The following CYP19A1 variants were observed in gnomAD, a reference collection of about 807,000 sequenced individuals.
CYP19A1 encodes aromatase.
A neutral mutation model predicts 44.4 loss-of-function variants in CYP19A1; 32 were observed. That is an observed-to-expected ratio of 0.72 (90% CI 0.54 to 0.97). The LOEUF is 0.97. Ranked by LOEUF, CYP19A1 falls within the 50% of genes least tolerant of loss-of-function variation. The pLI is 0.00. For synonymous variants in CYP19A1, 212 were observed against 215.6 expected, an observed-to-expected ratio of 0.98 and a Z score of 0.14; for missense variants, 598 against 637.8, an observed-to-expected ratio of 0.94 and a Z score of 0.67.
chr15:51,228,077 A>G (rs2032742360), intron 3 of CYP19A1, 144 bp from the exon 4 acceptor site: 1 of 706,342 alleles, frequency 1.4e-6, no homozygotes, highest in African/African-American at 1.7e-5. Flanking sequence ...GGGTTGAATA[A>G]GCACTTCTGT....
intron 9 of CYP19A1, chr15:51,211,645 A>G (rs761304720): frequency 2.3e-6 from 1 of 440,364 alleles, no homozygotes; most frequent in South Asian, 1.6e-5. Context: ...AAAATGAATT[A>G]GAGTACTGAA....
At chr15:51,239,112 C>T (rs1267939022) in intron 2 of CYP19A1, among the ~76,000 whole-genome samples, 1 of 152,174 alleles carries the variant, frequency 6.6e-6, no homozygotes, top group Admixed American at 6.5e-5. Context: ...GTTGTAGCCA[C>T]ATTAAGCTGA....
intron 9 of CYP19A1, chr15:51,211,700 G>A (rs28757201): frequency 0.41 from 177,093 of 428,212 alleles, 39,897 homozygotes; most frequent in East Asian, 0.5. Context: ...TTGAAAAAAG[G>A]GCACTTAGGG....
intron 1 of CYP19A1, among the ~76,000 whole-genome samples, chr15:51,295,393 G>T (rs2035973462): frequency 6.6e-6 from 1 of 152,006 alleles, no homozygotes; most frequent in Non-Finnish European, 1.5e-5. Flanking sequence ...CCATTCCTAG[G>T]CCCAGCCTGT....
chr15:51,220,676 C>T (rs1207359793), intron 5 of CYP19A1, among the ~76,000 whole-genome samples: 1 of 152,146 alleles, frequency 6.6e-6, no homozygotes, highest in Non-Finnish European at 1.5e-5. Flanking sequence ...TGTGTAATAA[C>T]CAAATCAGGG....
At chr15:51,318,200 CT>C (rs2036463438) in intron 1 of CYP19A1, among the ~76,000 whole-genome samples, 1 of 146,294 alleles carries the variant, frequency 6.8e-6, no homozygotes, top group Non-Finnish European at 1.5e-5. Flanking sequence ...ATTTACTGCC[CT>C]CAACAGTCTA....
intron 1 of CYP19A1, among the ~76,000 whole-genome samples, chr15:51,262,695 T>C (rs1200082462): frequency 6.6e-6 from 1 of 152,206 alleles, no homozygotes. Context: ...TGACTTCCTG[T>C]TCTGCAATAA....
chr15:51,252,159 T>C (rs1008548630), intron 1 of CYP19A1, among the ~76,000 whole-genome samples: 15 of 152,318 alleles, frequency 9.8e-5, no homozygotes, highest in African/African-American at 3.6e-4. Flanking sequence ...TGGCCCACTT[T>C]GGCCAACTTC....
At chr15:51,284,563 A>G (rs547882662) in intron 1 of CYP19A1, among the ~76,000 whole-genome samples, 139 of 152,360 alleles carry the variant, frequency 9.1e-4, no homozygotes, top group African/African-American at 3.2e-3. Context: ...CAATATAGTA[A>G]TAATAGTAGA....
intron 3 of CYP19A1, among the ~76,000 whole-genome samples, chr15:51,229,987 C>A (rs1398334138): frequency 6.6e-6 from 1 of 152,194 alleles, no homozygotes; most frequent in Non-Finnish European, 1.5e-5. Flanking sequence ...AAAGAGCCAA[C>A]CTTTAAAATT....
intron 1 of CYP19A1, among the ~76,000 whole-genome samples, chr15:51,283,494 C>T (rs115394540): frequency 0.037 from 5,622 of 152,256 alleles, 341 homozygotes; most frequent in African/African-American, 0.13. Flanking sequence ...ACTCTGAATA[C>T]GTTAAGGCTT....
rs967862869 is a variant in CYP19A1, at chr15:51,334,146, C to G, written c.-39+4349G>C. 3.2e-4 allele frequency among the ~76,000 whole-genome samples: 49 copies of G among 152,226 alleles called. 1 individual carries two copies. The highest frequency in any genetic ancestry group is 3.0e-3 in the Admixed American group (46 of 15,276). Reference sequence around the variant, plus strand: ...AAGTGCCAGTCTGAGCTGTTTTCCACTCCATCACTTTGAATCATTTCCCTG... The same window carrying G: ...AAGTGCCAGTCTGAGCTGTTTTCCAGTCCATCACTTTGAATCATTTCCCTG... On this transcript the variant is annotated intron_variant, in intron 1 of 9. Transcript: ENST00000396402.
intron 1 of CYP19A1, among the ~76,000 whole-genome samples, chr15:51,330,713 G>C (rs2036687316): frequency 6.6e-6 from 1 of 152,150 alleles, no homozygotes; most frequent in Non-Finnish European, 1.5e-5. Context: ...AACAGTTCAA[G>C]GAGGCTGAGA....
chr15:51,270,576 A>G (rs1233163299), intron 1 of CYP19A1, among the ~76,000 whole-genome samples: 1 of 152,192 alleles, frequency 6.6e-6, no homozygotes, highest in African/African-American at 2.4e-5. Context: ...CCTCCCCCAT[A>G]TTTTATAGGC....
chr15:51,249,100 C>T (rs571304837), intron 1 of CYP19A1, among the ~76,000 whole-genome samples: 15 of 152,072 alleles, frequency 9.9e-5, no homozygotes, highest in African/African-American at 3.4e-4. Flanking sequence ...CTACCACGCC[C>T]GTCCAATTTT....
At chr15:51,258,799 TTAGAGAAGA>T (rs2034608843) in intron 1 of CYP19A1, among the ~76,000 whole-genome samples, 2 of 152,254 alleles carry the variant, frequency 1.3e-5, no homozygotes, top group Admixed American at 6.5e-5. Context: ...AAGGAGTCTT[TTAGAGAAGA>T]CTTTTCTTTT....
At chr15:51,304,508 ATGTCAAG>A (rs1412178051) in intron 1 of CYP19A1, among the ~76,000 whole-genome samples, 1 of 152,208 alleles carries the variant, frequency 6.6e-6, no homozygotes, top group African/African-American at 2.4e-5. Context: ...GCCCACTCCC[ATGTCAAG>A]TTAACCATGG....
intron 1 of CYP19A1, among the ~76,000 whole-genome samples, chr15:51,290,624 C>A (rs1220819870): frequency 2.6e-5 from 4 of 151,914 alleles, no homozygotes; most frequent in African/African-American, 9.7e-5. Flanking sequence ...TGTGTCAAAT[C>A]AATTAAGCAA....
chr15:51,248,914 A>C (rs6493493), intron 1 of CYP19A1, among the ~76,000 whole-genome samples: 1 of 151,948 alleles, frequency 6.6e-6, no homozygotes, highest in African/African-American at 2.4e-5. Context: ...CCAGTTGTCT[A>C]CAAGACTTTC....
Sources: allele counts gnomAD v4.1 joint callset (sites outside exome capture counted in the v4.1 genomes callset), GRCh38; gene constraint gnomAD v4.1.1; transcripts MANE v1.5; gene names NCBI Gene and HGNC (gene_info 2026-07-23, HGNC 2026-07-21).